The following ZNG1A variants were observed in gnomAD, a reference collection of about 807,000 sequenced individuals.
ZNG1A encodes Zn regulated GTPase metalloprotein activator 1A.
the ZNG1A span, chr9:172,014 C>G: frequency 6.2e-7 from 1 of 1,606,008 alleles, no homozygotes; most frequent in Non-Finnish European, 8.5e-7. Flanking sequence ...TTAGATATTC[C>G]TCTAATACAT....
chr9:126,513 C>T, the ZNG1A span, among the ~76,000 whole-genome samples: 1 of 151,994 alleles, frequency 6.6e-6, no homozygotes, highest in African/African-American at 2.4e-5. Context: ...TCATGGTAGC[C>T]TTGAATATCT....
At chr9:163,916 ACT>A in the ZNG1A span, 1 of 1,498,774 alleles carries the variant, frequency 6.7e-7, no homozygotes, top group South Asian at 1.2e-5. Context: ...ACAAAGTGAG[ACT>A]CTGTCTCAGA....
chr9:146,476 A>G, the ZNG1A span: 2 of 232,756 alleles, frequency 8.6e-6, no homozygotes, highest in Admixed American at 1.2e-4. Flanking sequence ...AGATGAAACA[A>G]AAGAAATGAC....
At chr9:158,473 G>T in the ZNG1A span, among the ~76,000 whole-genome samples, 1 of 150,558 alleles carries the variant, frequency 6.6e-6, no homozygotes, top group Non-Finnish European at 1.5e-5. Flanking sequence ...GTATGAAATT[G>T]CGGTTATTTG....
chr9:127,111 C>T, the ZNG1A span, among the ~76,000 whole-genome samples: 13 of 152,164 alleles, frequency 8.5e-5, 1 homozygote, highest in African/African-American at 3.1e-4. Context: ...CATGGTCTAT[C>T]TTACAGAAAG....
the ZNG1A span, chr9:149,524 T>G: frequency 3.3e-5 from 5 of 151,956 alleles, no homozygotes; most frequent in African/African-American, 1.2e-4. Flanking sequence ...TCAAGAAAAG[T>G]TGAGCAATCA....
At chr9:125,039 G>A in the ZNG1A span, among the ~76,000 whole-genome samples, 8 of 152,222 alleles carry the variant, frequency 5.3e-5, no homozygotes, top group South Asian at 2.1e-4. Flanking sequence ...TATCTTTTTC[G>A]TATAATGACT....
At chr9:159,570 T>TG in the ZNG1A span, among the ~76,000 whole-genome samples, 19 of 152,044 alleles carry the variant, frequency 1.2e-4, no homozygotes, top group Admixed American at 8.5e-4. Context: ...TCAATAAAGC[T>TG]GGGGGGGTTA....
At chr9:178,147 T>A in the ZNG1A span, among the ~76,000 whole-genome samples, 881 of 151,220 alleles carry the variant, frequency 5.8e-3, 7 homozygotes, top group African/African-American at 0.02. Context: ...CTAGTGTAAG[T>A]GCATAAACCG....
chr9:139,851 A>C, the ZNG1A span, among the ~76,000 whole-genome samples: 3 of 151,336 alleles, frequency 2.0e-5, no homozygotes, highest in Admixed American at 2.0e-4. Flanking sequence ...CTCACTTGGG[A>C]AGCGCAGGGG....
the ZNG1A span, among the ~76,000 whole-genome samples, chr9:173,927 C>T: frequency 1.3e-5 from 2 of 152,240 alleles, no homozygotes; most frequent in South Asian, 4.1e-4. Flanking sequence ...GCGGGCGGAT[C>T]ACGAGGTCAG....
At chr9:129,578 T>C in the ZNG1A span, among the ~76,000 whole-genome samples, 1 of 149,964 alleles carries the variant, frequency 6.7e-6, no homozygotes, top group Non-Finnish European at 1.5e-5. Context: ...AGGACAAATA[T>C]TGCATGAATC....
the ZNG1A span, chr9:150,116 GT>G: frequency 3.0e-5 from 3 of 101,388 alleles, 1 homozygote; most frequent in African/African-American, 7.9e-5. Context: ...CAAATCTCCG[GT>G]TTTGTTTTTT....
At chr9:160,035 C>A in the ZNG1A span, 2 of 454,244 alleles carry the variant, frequency 4.4e-6, no homozygotes, top group East Asian at 1.4e-4. Flanking sequence ...GCTTCTATTG[C>A]ATTAAATGCT....
chr9:161,593 G>A, the ZNG1A span: 3 of 1,286,562 alleles, frequency 2.3e-6, no homozygotes, highest in South Asian at 2.5e-5. Flanking sequence ...CATATGCTCA[G>A]ATTGGGAACG....
At chr9:145,647 A>G in the ZNG1A span, among the ~76,000 whole-genome samples, 7 of 151,674 alleles carry the variant, frequency 4.6e-5, no homozygotes, top group African/African-American at 1.7e-4. Flanking sequence ...ATGTATACAT[A>G]TGTAACTAAC....
the ZNG1A span, among the ~76,000 whole-genome samples, chr9:143,496 C>G: frequency 9.1e-6 from 1 of 109,364 alleles, no homozygotes; most frequent in East Asian, 2.9e-4. Context: ...ATTCAACAAC[C>G]CTTCATGCTA....
the ZNG1A span, among the ~76,000 whole-genome samples, chr9:138,392 C>T: frequency 1.8e-4 from 21 of 116,168 alleles, no homozygotes; most frequent in African/African-American, 7.3e-4. Flanking sequence ...TTTTTTCTTT[C>T]TTTCTTTTTT....
chr9:146,263 T>C, the ZNG1A span: 23 of 1,334,130 alleles, frequency 1.7e-5, no homozygotes, highest in East Asian at 1.6e-4. Flanking sequence ...ATAAAATTCA[T>C]AGAAGTGGGC....
Sources: gnomAD v4.1 joint callset for allele counts (sites outside exome capture counted in the v4.1 genomes callset) on GRCh38, gnomAD v4.1.1 for gene constraint, MANE v1.5 for transcripts, NCBI Gene and HGNC (gene_info 2026-07-23, HGNC 2026-07-21) for gene names.